The following FANCC variants were observed in gnomAD, a reference collection of about 807,000 sequenced individuals.
FANCC encodes FA complementation group C, also known as Fanconi anemia group C protein.
In FANCC, 55 loss-of-function variants were observed where a neutral mutation model predicts 71.3. The ratio of observed to expected loss-of-function variants is 0.77; its 90% CI spans 0.62 to 0.97. The LOEUF is 0.97. Among genes scored for constraint, FANCC ranks in the 50% least tolerant of loss-of-function variants. The pLI is 0.00. For missense variants in FANCC, 678 were observed against 670.9 expected (o/e 1.01, Z -0.12); for synonymous variants, 275 against 244.9 (o/e 1.12, Z -1.15).
intron 1 of FANCC, chr9:95,292,446 T>C: frequency 8.5e-7 from 1 of 1,183,394 alleles, no homozygotes; most frequent in Non-Finnish European, 1.0e-6. Flanking sequence ...CTCGGGCCCG[T>C]GGGTGCCCCC....
chr9:95,280,973 T>C (rs1342553687), intron 1 of FANCC, among the ~76,000 whole-genome samples: 1 of 152,028 alleles, frequency 6.6e-6, no homozygotes, highest in Admixed American at 6.5e-5. Flanking sequence ...TATCAGTGAA[T>C]TCAAAGACAG....
chr9:95,130,723 T>A (rs62581084), intron 8 of FANCC, among the ~76,000 whole-genome samples: 3 of 152,218 alleles, frequency 2.0e-5, no homozygotes, highest in Admixed American at 2.0e-4. Context: ...CTCTCCACAG[T>A]GGGAAGCCCT....
chr9:95,191,167 C>A (rs1472701155), intron 4 of FANCC, among the ~76,000 whole-genome samples: 2 of 152,060 alleles, frequency 1.3e-5, no homozygotes, highest in Non-Finnish European at 2.9e-5. Context: ...TCATAAAAGA[C>A]TGAACTCCAG....
intron 8 of FANCC, 112 bp from the exon 9 acceptor site, chr9:95,126,693 A>G: frequency 9.1e-7 from 1 of 1,100,126 alleles, no homozygotes; most frequent in Admixed American, 1.8e-5. Flanking sequence ...GAAAACTGGC[A>G]TACTCCTTTT....
chr9:95,285,674 GA>G (rs952725930), intron 1 of FANCC, among the ~76,000 whole-genome samples: 21 of 146,924 alleles, frequency 1.4e-4, no homozygotes, highest in African/African-American at 3.7e-4. Context: ...ATCCTGTCTT[GA>G]AAAAAAAAAA....
intron 4 of FANCC, among the ~76,000 whole-genome samples, chr9:95,195,756 T>C (rs1827417227): frequency 1.3e-5 from 2 of 152,234 alleles, no homozygotes; most frequent in African/African-American, 2.4e-5. Context: ...TAAATATCTC[T>C]CCATTTATTT....
At chr9:95,200,563 T>C (rs1398996984) in intron 4 of FANCC, among the ~76,000 whole-genome samples, 1 of 152,206 alleles carries the variant, frequency 6.6e-6, no homozygotes, top group Non-Finnish European at 1.5e-5. Context: ...ATCCAGCTCC[T>C]TCATTTACCA....
At chr9:95,301,151 A>G (rs1340681482) in intron 1 of FANCC, among the ~76,000 whole-genome samples, 2 of 149,770 alleles carry the variant, frequency 1.3e-5, no homozygotes, top group African/African-American at 5.0e-5. Flanking sequence ...AAGTGGCTAA[A>G]GTCAGTATAA....
At chr9:95,160,619 A>G (rs1450494193) in intron 6 of FANCC, among the ~76,000 whole-genome samples, 2 of 152,318 alleles carry the variant, frequency 1.3e-5, no homozygotes, top group Admixed American at 1.3e-4. Context: ...TACCTTGGGC[A>G]GTATGGCCAT....
At chr9:95,159,059 T>G (rs538992032) in intron 6 of FANCC, among the ~76,000 whole-genome samples, 2 of 152,210 alleles carry the variant, frequency 1.3e-5, no homozygotes, top group East Asian at 1.9e-4. Flanking sequence ...ATACTTCAAG[T>G]TCTAGGGTAC....
At chr9:95,177,711 C>G (rs914041588) in intron 4 of FANCC, among the ~76,000 whole-genome samples, 4 of 152,172 alleles carry the variant, frequency 2.6e-5, no homozygotes, top group Admixed American at 6.5e-5. Flanking sequence ...CTGAGGCACA[C>G]TGCCACCCAG....
chr9:95,276,153 C>G (rs2136239274), intron 1 of FANCC, among the ~76,000 whole-genome samples: 1 of 152,318 alleles, frequency 6.6e-6, no homozygotes, highest in South Asian at 2.1e-4. Flanking sequence ...AAACTAAATA[C>G]AAAAGCTCTT....
chr9:95,302,878 A>C (rs773981999), intron 1 of FANCC, among the ~76,000 whole-genome samples: 5 of 152,228 alleles, frequency 3.3e-5, no homozygotes, highest in Admixed American at 2.6e-4. Flanking sequence ...GCAGTTATAG[A>C]CTCAGTATGC....
At chr9:95,288,374 T>A (rs1432560947) in intron 1 of FANCC, among the ~76,000 whole-genome samples, 1 of 152,124 alleles carries the variant, frequency 6.6e-6, no homozygotes, top group Non-Finnish European at 1.5e-5. Flanking sequence ...GAGTTATATA[T>A]GTCAAGGGAT....
At chr9:95,144,436 G>A (rs1829231050) in intron 7 of FANCC, among the ~76,000 whole-genome samples, 1 of 152,216 alleles carries the variant, frequency 6.6e-6, no homozygotes, top group African/African-American at 2.4e-5. Flanking sequence ...GCAAGGGAGT[G>A]TGGGCCTGCT....
intron 6 of FANCC, among the ~76,000 whole-genome samples, chr9:95,162,204 C>A (rs1265425867): frequency 6.6e-6 from 1 of 152,182 alleles, no homozygotes; most frequent in African/African-American, 2.4e-5. Context: ...AGTAATCATG[C>A]AGTATTTGCC....
chr9:95,277,278 C>T (rs540217764), intron 1 of FANCC, among the ~76,000 whole-genome samples: 1 of 152,280 alleles, frequency 6.6e-6, no homozygotes, highest in South Asian at 2.1e-4. Flanking sequence ...TAAATGAGCG[C>T]TGGGTAGTGA....
intron 8 of FANCC, among the ~76,000 whole-genome samples, chr9:95,134,393 G>A (rs976416546): frequency 1.3e-5 from 2 of 152,150 alleles, no homozygotes; most frequent in East Asian, 1.9e-4. Flanking sequence ...GCTCAAGGGC[G>A]AGGGTGAACA....
At chr9:95,249,078 G>C (rs773656737) in intron 2 of FANCC, 49 bp downstream of exon 2, 2 of 1,594,728 alleles carry the variant, frequency 1.3e-6, no homozygotes, top group South Asian at 1.1e-5. Context: ...AAATCTGGTA[G>C]AGTCCCTGAA....
Sources: allele counts gnomAD v4.1 joint callset (sites outside exome capture counted in the v4.1 genomes callset), GRCh38; gene constraint gnomAD v4.1.1; transcripts MANE v1.5; gene names NCBI Gene and HGNC (gene_info 2026-07-23, HGNC 2026-07-21).